Variants in DNAJC11 observed in about 807,000 individuals in gnomAD.
DNAJC11 encodes the protein DnaJ heat shock protein family (Hsp40) member C11.
In DNAJC11, 15 loss-of-function variants were observed where a neutral mutation model predicts 78.6. The ratio of observed to expected loss-of-function variants is 0.19; its 90% confidence interval spans 0.13 to 0.29. DNAJC11 has a LOEUF of 0.29. Ranked by LOEUF, DNAJC11 falls within the 10% of genes least tolerant of loss-of-function variation. DNAJC11 has a pLI of 1.00. For synonymous variants in DNAJC11, 292 were observed against 272.1 expected (o/e 1.07, Z -0.72); for missense variants, 547 against 709.6 (o/e 0.77, Z 2.60).
At chr1:6,687,974 C>CA (rs1338105570) in intron 1 of DNAJC11, among the ~76,000 whole-genome samples, 3 of 152,008 alleles carry the variant, frequency 2.0e-5, no homozygotes, top group African/African-American at 7.2e-5. Flanking sequence ...CAAAACAAAA[C>CA]AAAAAAATAA....
At chr1:6,669,744 C>T (rs1642349457) in intron 3 of DNAJC11, among the ~76,000 whole-genome samples, 1 of 151,676 alleles carries the variant, frequency 6.6e-6, no homozygotes, top group African/African-American at 2.4e-5. Context: ...GAGAAACACA[C>T]AGTGTGGGAA....
intron 7 of DNAJC11, among the ~76,000 whole-genome samples, chr1:6,649,712 CTTTTT>C (rs749405921): frequency 1.4e-5 from 2 of 143,530 alleles, no homozygotes; most frequent in African/African-American, 5.1e-5. Flanking sequence ...TAATAACTAA[CTTTTT>C]TTTTTTTTTT....
chr1:6,637,098 C>G, intron 14 of DNAJC11, 100 bp downstream of exon 14: 1 of 1,502,402 alleles, frequency 6.7e-7, no homozygotes, highest in Non-Finnish European at 9.1e-7. Flanking sequence ...AATCCGCCCA[C>G]CTTGGCCTTC....
In DNAJC11 at chr1:6,689,960, A is replaced by G. The variant is rs1642719062; in HGVS notation, c.73-8923T>C. 2.6e-5 allele frequency among the ~76,000 whole-genome samples: 4 copies of G among 152,094 alleles called. No homozygotes were observed. In the South Asian group the frequency reaches 8.3e-4, roughly 32 times the overall value. ...TTACAGCTAACAAAATAATTCCACTATTTCCTCACTTAATACTTTTAATAC... is the reference window on the plus strand; with the variant it reads ...TTACAGCTAACAAAATAATTCCACTGTTTCCTCACTTAATACTTTTAATAC... On this transcript the variant is annotated intron_variant, in intron 1 of 15. Transcript: ENST00000377577.
intron 10 of DNAJC11, among the ~76,000 whole-genome samples, chr1:6,641,406 T>C (rs11122111): frequency 0.027 from 3,741 of 140,036 alleles, 146 homozygotes; most frequent in African/African-American, 0.08. Flanking sequence ...TATATATATA[T>C]ACACACACAC....
chr1:6,634,838 C>T lies in DNAJC11; in HGVS notation c.*837G>A. ...GTCCACGCCTTTGGGTTGGGTGTGT[C>T]TGATGTCTTGCCAAGCGCCTGGTCC... On this transcript the variant is annotated 3_prime_UTR_variant, in exon 16 of 16. Coordinates refer to ENST00000377577, the MANE Select transcript of DNAJC11 (RefSeq NM_018198.4). 8.1e-7 allele frequency: 1 copy of T among 1,241,186 alleles called. No individual in the cohort carries two copies. 76.9% of individuals were successfully genotyped at this position (1,241,186 alleles called of 1,614,324 possible).
intron 15 of DNAJC11, 87 bp from the exon 16 acceptor site, chr1:6,635,787 C>T (rs557296670): frequency 6.6e-7 from 1 of 1,522,888 alleles, no homozygotes; most frequent in African/African-American, 1.4e-5. Context: ...GTCACCCGGA[C>T]CAGCAGCTGG....
At chr1:6,697,585 C>T (rs1176014064) in intron 1 of DNAJC11, among the ~76,000 whole-genome samples, 1 of 150,364 alleles carries the variant, frequency 6.7e-6, no homozygotes, top group Non-Finnish European at 1.5e-5. Context: ...CTTGCTTGCC[C>T]GACGCTAACC....
intron 3 of DNAJC11, among the ~76,000 whole-genome samples, chr1:6,669,977 G>A (rs560788032): frequency 7.2e-4 from 108 of 150,460 alleles, no homozygotes; most frequent in African/African-American, 2.2e-3. Flanking sequence ...TTTTTGAGAC[G>A]GAGTCTTGCT....
At chr1:6,666,329 G>A (rs1642292997) in intron 4 of DNAJC11, among the ~76,000 whole-genome samples, 1 of 150,656 alleles carries the variant, frequency 6.6e-6, no homozygotes, top group African/African-American at 2.5e-5. Flanking sequence ...TTCATCAGAG[G>A]TTTATCTTAC....
chr1:6,635,378 T>G lies in DNAJC11; in HGVS notation c.*297A>C. On this transcript the variant is annotated 3_prime_UTR_variant, in exon 16 of 16. Coordinates refer to ENST00000377577, the MANE Select transcript of DNAJC11 (RefSeq NM_018198.4). ...GGCGGCGGGCTGCGGTCAGCACGTGTGCTCGGGACACAGCGGAGTCAGGGC... is the reference window on the plus strand; with the variant it reads ...GGCGGCGGGCTGCGGTCAGCACGTGGGCTCGGGACACAGCGGAGTCAGGGC... 2.9e-6 allele frequency: 1 copy of G among 345,830 alleles called. No individual in the cohort carries two copies. Among genetic ancestry groups the G allele is most frequent in the Non-Finnish European group, 5.3e-6 (1 of 188,282 alleles). The allele number at this position is 345,830 out of a possible 1,614,324, so 21.4% of individuals were successfully genotyped here.
intron 4 of DNAJC11, among the ~76,000 whole-genome samples, chr1:6,665,639 C>A (rs1379018597): frequency 1.3e-5 from 2 of 152,144 alleles, no homozygotes; most frequent in Non-Finnish European, 2.9e-5. Context: ...CACAGCTGTG[C>A]TCCCTCATTC....
intron 1 of DNAJC11, among the ~76,000 whole-genome samples, chr1:6,696,105 A>T (rs1415983518): frequency 6.6e-6 from 1 of 152,268 alleles, no homozygotes; most frequent in African/African-American, 2.4e-5. Flanking sequence ...AGACATCTGA[A>T]TAAGTTGTTT....
At chr1:6,683,474 G>T (rs753926618) in intron 1 of DNAJC11, among the ~76,000 whole-genome samples, 3 of 152,168 alleles carry the variant, frequency 2.0e-5, no homozygotes, top group Non-Finnish European at 2.9e-5. Flanking sequence ...AAAAACTTAG[G>T]AATTATAGCT....
At chr1:6,685,812 G>T (rs1429395884) in intron 1 of DNAJC11, among the ~76,000 whole-genome samples, 1 of 152,136 alleles carries the variant, frequency 6.6e-6, no homozygotes. Flanking sequence ...ATCTTTCAGA[G>T]AACTTTTAGT....
chr1:6,675,927 C>T (rs1302645452), intron 3 of DNAJC11, among the ~76,000 whole-genome samples: 1 of 152,120 alleles, frequency 6.6e-6, no homozygotes, highest in East Asian at 1.9e-4. Flanking sequence ...TCAGTGACTC[C>T]AATTGCTGAC....
At chr1:6,665,439 C>CA (rs1557478376) in intron 4 of DNAJC11, among the ~76,000 whole-genome samples, 1 of 151,928 alleles carries the variant, frequency 6.6e-6, no homozygotes, top group Non-Finnish European at 1.5e-5. Flanking sequence ...TCTTGAAAGG[C>CA]AAAAAAACCC....
Position 6,645,981 on chromosome 1 carries a change from G to A in DNAJC11, c.705-3C>T, listed in dbSNP as rs1641958849. The A allele has an allele frequency of 1.2e-6, 2 of 1,613,808 alleles. No individual in the cohort carries two copies. The highest frequency in any genetic ancestry group is 2.7e-5 in the African/African-American group (2 of 74,904). On this transcript the variant is annotated splice_region_variant and splice_polypyrimidine_tract_variant and intron_variant, in intron 7 of 15. Coordinates refer to ENST00000377577, the MANE Select transcript of DNAJC11 (RefSeq NM_018198.4). This position sits in a 1 kb window ranked among gnomAD's most constrained non-coding sequence, Gnocchi z 4.1. ...GAGCACAGTTTGTTGTCACAAAGCT[G>A]GAGAGACACAGAGACAGAATAGGTC...
intron 1 of DNAJC11, among the ~76,000 whole-genome samples, chr1:6,698,364 A>G (rs1280661224): frequency 6.6e-6 from 1 of 152,164 alleles, no homozygotes; most frequent in Non-Finnish European, 1.5e-5. Context: ...CTTTTTTCCA[A>G]CTAAATCACG....
Sources: gnomAD v4.1 joint callset for allele counts (sites outside exome capture counted in the v4.1 genomes callset) on GRCh38, gnomAD v4.1.1 for gene constraint, Gnocchi (gnomAD v3.1) non-coding constraint, MANE v1.5 for transcripts, NCBI Gene and HGNC (gene_info 2026-07-23, HGNC 2026-07-21) for gene names.